Variants in MAPT observed in about 807,000 individuals in gnomAD.
MAPT encodes the protein microtubule-associated protein tau.
MAPT carries 34 observed loss-of-function variants against 67.9 expected under a neutral mutation model. That is an observed-to-expected ratio of 0.50 (90% confidence interval 0.38 to 0.67). MAPT has a LOEUF of 0.67. Ranked by LOEUF, MAPT falls within the 30% of genes least tolerant of loss-of-function variation. The pLI, the probability that MAPT is intolerant of heterozygous loss-of-function variation, is 0.00. For synonymous variants in MAPT, 456 were observed against 464.5 expected (o/e 0.98, Z 0.23); for missense variants, 881 against 1,115.2 (o/e 0.79, Z 2.99).
intron 1 of MAPT, among the ~76,000 whole-genome samples, chr17:45,933,840 ATTTTT>A (rs35907411): frequency 2.0e-4 from 28 of 137,800 alleles, no homozygotes; most frequent in African/African-American, 7.4e-4. Flanking sequence ...ATGTTTTCTG[ATTTTT>A]TTTTTTTTTT....
chr17:45,991,853 C>G (rs1413555685), intron 8 of MAPT, among the ~76,000 whole-genome samples: 4 of 150,854 alleles, frequency 2.7e-5, no homozygotes, highest in Non-Finnish European at 5.9e-5. Context: ...GGTGTGATCT[C>G]AGCTCACTGC....
chr17:45,903,360 G>A (rs1451437202), intron 1 of MAPT, among the ~76,000 whole-genome samples: 1 of 152,010 alleles, frequency 6.6e-6, no homozygotes, highest in Admixed American at 6.6e-5. Context: ...CCAAACTATT[G>A]TCTTGCCTCA....
intron 1 of MAPT, among the ~76,000 whole-genome samples, chr17:45,935,373 T>G (rs1050089229): frequency 1.3e-5 from 2 of 152,060 alleles, no homozygotes; most frequent in Non-Finnish European, 2.9e-5. Flanking sequence ...TACATAACCT[T>G]CCGTGGACTC....
rs1448386545 is a variant in MAPT at position 45,919,017 on chromosome 17, GC to G, written c.-18+24335del. Among the ~76,000 whole-genome samples, 8 of 150,586 alleles carry G rather than the reference GC, an allele frequency of 5.3e-5. No individual in the cohort carries two copies. The East Asian group carries it at 1.2e-3, about 22-fold the overall frequency. On this transcript the variant is annotated intron_variant, in intron 1 of 12. Coordinates refer to ENST00000262410, the MANE Select transcript of MAPT (RefSeq NM_001377265.1). The stretch of plus-strand genomic sequence containing the variant: ...GTGGAGGTTGCAGTGAGCCAAGATC[GC>G]CCCACTGCACTCTAGCCTGGGCAGC...
intron 3 of MAPT, chr17:45,974,563 T>TA: frequency 1.0e-6 from 1 of 998,980 alleles, no homozygotes; most frequent in Non-Finnish European, 1.5e-6. Flanking sequence ...TTTGCGTGTT[T>TA]ATCCTCCTGT....
At chr17:45,952,405 C>T (rs1049674717) in intron 1 of MAPT, among the ~76,000 whole-genome samples, 23 of 152,296 alleles carry the variant, frequency 1.5e-4, no homozygotes, top group Admixed American at 5.2e-4. Flanking sequence ...ATCACTACCC[C>T]GCCCCAGCCT....
rs759487539 is a variant in MAPT at position 46,025,926 on chromosome 17, C to T, written c.*1755C>T. 9.2e-5 allele frequency: 14 copies of T among 152,274 alleles called. No individual in the cohort carries two copies. Among genetic ancestry groups the T allele is most frequent in the African/African-American group, 3.4e-4 (14 of 41,410 alleles). The allele number at this position is 152,274 out of a possible 1,614,324, so 9.4% of individuals were successfully genotyped here. A position where few individuals can be genotyped will look rare whatever the true frequency, so the allele number is the denominator to read the frequency against. ...GGAACACACCCCCTTGGAAATGGTT[C>T]TTTTCCCCCAGTCCCAGCTGGAAGC... On this transcript the variant is annotated 3_prime_UTR_variant, in exon 13 of 13. Transcript: ENST00000262410.
chr17:45,988,203 C>T (rs1260466576), intron 6 of MAPT, among the ~76,000 whole-genome samples: 1 of 152,172 alleles, frequency 6.6e-6, no homozygotes, highest in Non-Finnish European at 1.5e-5. Flanking sequence ...TCTCCTGGGT[C>T]CTCCTTACCA....
chr17:45,970,829 T>C (rs1188681191), intron 2 of MAPT, among the ~76,000 whole-genome samples: 12 of 152,248 alleles, frequency 7.9e-5, no homozygotes. Flanking sequence ...CCCTATCGGC[T>C]GGCCATGGGC....
At chr17:45,952,434 G>A (rs1012528588) in intron 1 of MAPT, among the ~76,000 whole-genome samples, 6 of 152,142 alleles carry the variant, frequency 3.9e-5, no homozygotes, top group Non-Finnish European at 8.8e-5. Flanking sequence ...AGAAGACACA[G>A]GCTAAAGTAG....
intron 1 of MAPT, among the ~76,000 whole-genome samples, chr17:45,910,139 C>T (rs922580886): frequency 1.3e-5 from 2 of 152,174 alleles, no homozygotes; most frequent in African/African-American, 4.8e-5. Context: ...GCACTGGAAA[C>T]ACACAGGCAC....
Position 45,904,322 on chromosome 17 carries a change from ATATATAT to A in MAPT, c.-18+9651_-18+9657del, listed in dbSNP as rs1484812199. Among the ~76,000 whole-genome samples, 13 of 53,192 alleles carry A rather than the reference ATATATAT, an allele frequency of 2.4e-4. 1 individual carries two copies. In the East Asian group the frequency reaches 3.5e-3, roughly 14 times the overall value. 34.9% of individuals were successfully genotyped at this position (53,192 alleles called of 152,430 possible). A position where few individuals can be genotyped will look rare whatever the true frequency, so the allele number is the denominator to read the frequency against. On this transcript the variant is annotated intron_variant, in intron 1 of 12. Transcript: ENST00000262410. ...TATAATATATATAAAAACATATATA[ATATATAT>A]TATATATTATATATATATTATATAT...
At chr17:45,988,992 A>G (rs191934428) in intron 6 of MAPT, among the ~76,000 whole-genome samples, 2 of 149,324 alleles carry the variant, frequency 1.3e-5, no homozygotes, top group African/African-American at 2.5e-5. Flanking sequence ...CAGAAAGCAC[A>G]TGTGTGGTGG....
rs998446433 is a variant in MAPT, at chr17:46,026,503, A to C, written c.*2332A>C. ...TTACAACTCCTGCATCACAAGAAAA[A>C]GGAAGCCACTGCCAGCTGGGGGGAT... On this transcript the variant is annotated 3_prime_UTR_variant, in exon 13 of 13. Coordinates refer to ENST00000262410, the MANE Select transcript of MAPT (RefSeq NM_001377265.1). 6.6e-6 allele frequency: 1 copy of C among 152,176 alleles called. No homozygotes were observed. Among genetic ancestry groups the C allele is most frequent in the African/African-American group, 2.4e-5 (1 of 41,426 alleles). The allele number at this position is 152,176 out of a possible 1,614,324, so 9.4% of individuals were successfully genotyped here.
intron 1 of MAPT, among the ~76,000 whole-genome samples, chr17:45,911,519 A>C (rs1222629404): frequency 6.6e-6 from 1 of 152,186 alleles, no homozygotes; most frequent in African/African-American, 2.4e-5. Context: ...CCAGCACTTT[A>C]GGAGGCCAAG....
intron 9 of MAPT, chr17:45,999,177 C>G (rs1469536779): frequency 3.4e-6 from 5 of 1,478,918 alleles, no homozygotes; most frequent in African/African-American, 1.4e-5. Context: ...AGTTCAGTTG[C>G]CATCTCCTCC....
chr17:45,951,481 C>T (rs975156684), intron 1 of MAPT, among the ~76,000 whole-genome samples: 1 of 152,124 alleles, frequency 6.6e-6, no homozygotes, highest in African/African-American at 2.4e-5. Flanking sequence ...CCTCGCCCTC[C>T]GACGTCTTCT....
In MAPT at chr17:45,974,222, C is replaced by G. The variant is rs117124984; in HGVS notation, c.220+2277C>G. 105,221 of 652,960 alleles carry G rather than the reference C, an allele frequency of 0.16. 10,637 individuals are homozygous for G. The highest frequency in any genetic ancestry group is 0.21 in the Non-Finnish European group (76,996 of 359,038). The allele number at this position is 652,960 out of a possible 1,614,324, so 40.4% of individuals were successfully genotyped here. A position where few individuals can be genotyped will look rare whatever the true frequency, so the allele number is the denominator to read the frequency against. The stretch of plus-strand genomic sequence containing the variant: ...GCATGTCAGTGTGCTTCCTGGGGAG[C>G]TGGTAGCAGGGGCTCCGGGCCCTAC... On this transcript the variant is annotated intron_variant, in intron 3 of 12. Transcript: ENST00000262410.
chr17:46,012,829 G>A (rs146726546), intron 10 of MAPT, among the ~76,000 whole-genome samples: 3 of 143,444 alleles, frequency 2.1e-5, no homozygotes, highest in South Asian at 2.3e-4. Context: ...ATACCAGCAC[G>A]TCCTCCCACC....
Sources: allele counts gnomAD v4.1 joint callset (sites outside exome capture counted in the v4.1 genomes callset), GRCh38; gene constraint gnomAD v4.1.1; transcripts MANE v1.5; gene names NCBI Gene and HGNC (gene_info 2026-07-23, HGNC 2026-07-21).